The following HDLBP variants were observed in gnomAD, a reference collection of about 807,000 sequenced individuals.
HDLBP encodes high density lipoprotein binding protein, also known as vigilin.
HDLBP carries 30 observed loss-of-function variants against 137.3 expected under a neutral mutation model. The observed-to-expected ratio is 0.22, with a 90% CI of 0.16 to 0.30. The LOEUF (loss-of-function observed/expected upper bound fraction) is 0.30. Among genes scored for constraint, HDLBP ranks in the 10% least tolerant of loss-of-function variants. HDLBP has a pLI of 1.00. For missense variants in HDLBP, 1,119 were observed against 1,667.3 expected (o/e 0.67, Z 5.73); for synonymous variants, 606 against 596.0 (o/e 1.02, Z -0.24).
At chr2:241,242,080 A>G (rs2071290839) in intron 17 of HDLBP, among the ~76,000 whole-genome samples, 1 of 152,214 alleles carries the variant, frequency 6.6e-6, no homozygotes, top group African/African-American at 2.4e-5. Context: ...TGACACAAGG[A>G]CAACAGCAAT....
chr2:241,232,073 A>G (rs2069828727), intron 24 of HDLBP, among the ~76,000 whole-genome samples: 1 of 152,158 alleles, frequency 6.6e-6, no homozygotes, highest in African/African-American at 2.4e-5. Context: ...TTGAAGCAAA[A>G]TGCCAGAGTG....
chr2:241,273,971 G>A (rs1404246421), intron 1 of HDLBP, among the ~76,000 whole-genome samples: 1 of 152,108 alleles, frequency 6.6e-6, no homozygotes, highest in African/African-American at 2.4e-5. Flanking sequence ...CATAATGGAG[G>A]AAATAAATGG....
Position 241,238,501 on chromosome 2 carries a change from T to G in HDLBP, c.2749+148A>C. On this transcript the variant is annotated intron_variant, in intron 20 of 27. Transcript: ENST00000310931. This position sits in a 1 kb window ranked among gnomAD's most constrained non-coding sequence, Gnocchi z 4.9. The stretch of plus-strand genomic sequence containing the variant: ...GGTCCATCTTTTAAAGGCCAGGGAG[T>G]GACCCTGAACCTCTGGAAGCCCCCA... The G allele has an allele frequency of 1.7e-6, 1 of 574,904 alleles. No homozygotes were observed. The highest frequency in any genetic ancestry group is 3.0e-5 in the Admixed American group (1 of 33,668). 35.6% of individuals were successfully genotyped at this position (574,904 alleles called of 1,614,324 possible).
intron 1 of HDLBP, among the ~76,000 whole-genome samples, chr2:241,296,025 T>C (rs951083564): frequency 7.1e-6 from 1 of 140,804 alleles, no homozygotes; most frequent in Non-Finnish European, 1.5e-5. Context: ...AACATCCCAG[T>C]AGGATATTTT....
In HDLBP at chr2:241,253,466, T is replaced by C. The variant is rs188141511; in HGVS notation, c.1220A>G (p.Lys407Arg). Reference sequence around the variant, plus strand: ...CTCTGTAGGGCCCTCCAGGGTGATCTTGTCTTCGCCCTCTGTGAACTCGAT... The same window carrying C: ...CTCTGTAGGGCCCTCCAGGGTGATCCTGTCTTCGCCCTCTGTGAACTCGAT... ...VHIEFTEGED[K>R]ITLEGPTEDV... The change falls in exon 10 of 28, where the codon AAG (lysine) becomes AGG (arginine). Residue 407 changes from lysine to arginine, a missense_variant. By Grantham distance (26) the Lys-to-Arg change is conservative. Around this residue, in one of 4 missense-constraint regions of HDLBP, gnomAD observed 425 missense variants for 693.9 expected, o/e 0.61. Transcript: ENST00000310931. The C allele has an allele frequency of 5.3e-5, 85 of 1,613,632 alleles. No homozygotes were observed. The African/African-American group carries it at 5.5e-4, about 10-fold the overall frequency.
At chr2:241,288,499 G>A (rs1230740389) in intron 1 of HDLBP, among the ~76,000 whole-genome samples, 2 of 152,170 alleles carry the variant, frequency 1.3e-5, no homozygotes, top group Non-Finnish European at 2.9e-5. Context: ...AAAAAAAATG[G>A]GCAGAGCTTA....
chr2:241,273,518 G>C lies in HDLBP; in HGVS notation c.-102-4977C>G. 3 of 869,556 alleles carry C rather than the reference G, an allele frequency of 3.5e-6. No homozygotes were observed. The South Asian group carries it at 1.6e-4, about 46-fold the overall frequency. The allele number at this position is 869,556 out of a possible 1,614,324, so 53.9% of individuals were successfully genotyped here. ...CCTACTCTCGGGGTCTCCACCCTCC[G>C]GGAAGGACTTGTCACTTCTGCATCC... On this transcript the variant is annotated intron_variant, in intron 1 of 27. Transcript: ENST00000310931.
chr2:241,299,246 C>T (rs898973517), intron 1 of HDLBP, among the ~76,000 whole-genome samples: 2 of 152,046 alleles, frequency 1.3e-5, no homozygotes, highest in Non-Finnish European at 2.9e-5. Context: ...TAAGGCCGGG[C>T]GCGGTGGCTC....
At chr2:241,266,717 G>T in intron 3 of HDLBP, 77 bp downstream of exon 3, 1 of 963,258 alleles carries the variant, frequency 1.0e-6, no homozygotes, top group South Asian at 1.3e-5. Flanking sequence ...TCTAGAAAGG[G>T]CATGGGATTT....
intron 22 of HDLBP, 74 bp downstream of exon 22, chr2:241,235,416 G>A: frequency 2.0e-6 from 3 of 1,463,460 alleles, no homozygotes; most frequent in Non-Finnish European, 2.9e-6. Flanking sequence ...AGGAAGTTGA[G>A]AAAGGACACT....
In HDLBP at chr2:241,282,167, G is replaced by T. The variant is rs1269512750; in HGVS notation, c.-102-13626C>A. The stretch of plus-strand genomic sequence containing the variant: ...AAAAGAGGAGCACGTTACGTTTACA[G>T]TATTTCCTAAAGGACTCTTTAATAA... On this transcript the variant is annotated intron_variant, in intron 1 of 27. Transcript: ENST00000310931. Among the ~76,000 whole-genome samples, 3 of 152,206 alleles carry T rather than the reference G, an allele frequency of 2.0e-5. No individual in the cohort carries two copies. The East Asian group carries it at 5.8e-4, about 29-fold the overall frequency.
At chr2:241,242,371 G>A (rs1203337552) in intron 17 of HDLBP, 89 bp downstream of exon 17, 13 of 1,086,966 alleles carry the variant, frequency 1.2e-5, no homozygotes, top group Admixed American at 3.8e-5. Context: ...CAAAGGAAGG[G>A]CATTCAGGGG....
Position 241,261,827 on chromosome 2 carries a change from C to T in HDLBP, c.450+884G>A, listed in dbSNP as rs182382354. On this transcript the variant is annotated intron_variant, in intron 5 of 27. Transcript: ENST00000310931. ...ACTCCTCTGCCTCGCCTCCTGGCTACACCCTGCACTCCTACCCCTCAGGCC... is the reference window on the plus strand; with the variant it reads ...ACTCCTCTGCCTCGCCTCCTGGCTATACCCTGCACTCCTACCCCTCAGGCC... 1.7e-3 allele frequency among the ~76,000 whole-genome samples: 261 copies of T among 152,334 alleles called. 1 individual carries two copies. The highest frequency in any genetic ancestry group is 6.8e-3 in the Middle Eastern group (2 of 294).
Position 241,272,197 on chromosome 2 carries a change from A to T in HDLBP, c.-102-3656T>A. 1.0e-6 allele frequency: 1 copy of T among 984,740 alleles called. No homozygotes were observed. The highest frequency in any genetic ancestry group is 1.2e-6 in the Non-Finnish European group (1 of 829,424). 61.0% of individuals were successfully genotyped at this position (984,740 alleles called of 1,614,324 possible). A position where few individuals can be genotyped will look rare whatever the true frequency, so the allele number is the denominator to read the frequency against. On this transcript the variant is annotated intron_variant, in intron 1 of 27. Coordinates refer to ENST00000310931, the MANE Select transcript of HDLBP (RefSeq NM_005336.6). This position sits in a 1 kb window ranked among gnomAD's most constrained non-coding sequence, Gnocchi z 5.6. ...GACGCGGGCCCCGCGCGGCAGGTGG[A>T]GGTGCTGCGGGGGCCCCGCCGCCCG...
At chr2:241,298,913 A>C (rs1358821797) in intron 1 of HDLBP, among the ~76,000 whole-genome samples, 1 of 152,258 alleles carries the variant, frequency 6.6e-6, no homozygotes, top group Non-Finnish European at 1.5e-5. Flanking sequence ...GAAAGAGACT[A>C]AAGAGATCTG....
intron 1 of HDLBP, among the ~76,000 whole-genome samples, chr2:241,314,607 G>A (rs2075933787): frequency 6.6e-6 from 1 of 152,178 alleles, no homozygotes; most frequent in African/African-American, 2.4e-5. Context: ...AATAGGCACT[G>A]TTTAATAAGC....
chr2:241,281,310 C>T (rs1332764997), intron 1 of HDLBP, among the ~76,000 whole-genome samples: 3 of 150,774 alleles, frequency 2.0e-5, no homozygotes, highest in South Asian at 2.1e-4. Context: ...GCCGAGATCG[C>T]GCCATTGCAC....
At position 241,240,499 on chromosome 2, in the gene HDLBP, G is replaced by A. The variant is rs1260740635; in HGVS notation, c.2170-377C>T. On this transcript the variant is annotated intron_variant, in intron 17 of 27. Coordinates refer to ENST00000310931, the MANE Select transcript of HDLBP (RefSeq NM_005336.6). The surrounding 1 kb of genome is among the most constrained non-coding windows in gnomAD (Gnocchi z 5.5). ...GTGCACGTCCTGGGGAGCGTGGGGT[G>A]TGCCCAGCAGAGCAGGAAGCAAGCT... Among the ~76,000 whole-genome samples the A allele has an allele frequency of 6.6e-6, 1 of 151,686 alleles. No individual in the cohort carries two copies. Among genetic ancestry groups the A allele is most frequent in the African/African-American group, 2.4e-5 (1 of 41,420 alleles).
At chr2:241,285,520 AGTGCCTTCTAGT>A (rs1273910464) in intron 1 of HDLBP, among the ~76,000 whole-genome samples, 3 of 152,218 alleles carry the variant, frequency 2.0e-5, no homozygotes, top group Non-Finnish European at 4.4e-5. Context: ...TCATGAGCAG[AGTGCCTTCTAGT>A]GTGCCCTGAA....
Sources: allele counts gnomAD v4.1 joint callset (sites outside exome capture counted in the v4.1 genomes callset), GRCh38; gene constraint gnomAD v4.1.1; regional missense constraint gnomAD v4.1.1; non-coding constraint Gnocchi (gnomAD v3.1); transcripts MANE v1.5; gene names NCBI Gene and HGNC (gene_info 2026-07-23, HGNC 2026-07-21).